The following GHR variants were observed in gnomAD, a reference collection of about 807,000 sequenced individuals.
The protein encoded by GHR is GH receptor.
In GHR, 35 loss-of-function variants were observed where a neutral mutation model predicts 67.1. The observed-to-expected ratio is 0.52, with a 90% CI of 0.40 to 0.69. GHR has a LOEUF of 0.69. Ranked by LOEUF, GHR falls within the 30% of genes least tolerant of loss-of-function variation. The probability of loss-of-function intolerance (pLI) is 0.00; values close to 1 mark genes in which losing one functional copy is unlikely to be tolerated. For synonymous variants in GHR, 272 were observed against 269.1 expected, an observed-to-expected ratio of 1.01 and a Z score of -0.10; for missense variants, 792 against 764.6, an observed-to-expected ratio of 1.04 and a Z score of -0.42.
chr5:42,570,280 G>C (rs943050834), intron 2 of GHR, among the ~76,000 whole-genome samples: 1 of 152,162 alleles, frequency 6.6e-6, no homozygotes, highest in Non-Finnish European at 1.5e-5. Flanking sequence ...ATAATCCAGA[G>C]GCAAGAAGAA....
chr5:42,437,328 A>C (rs1327324424), intron 1 of GHR, among the ~76,000 whole-genome samples: 1 of 152,178 alleles, frequency 6.6e-6, no homozygotes, highest in Non-Finnish European at 1.5e-5. Flanking sequence ...TTATAGAAGT[A>C]ATTACAGGCA....
intron 1 of GHR, among the ~76,000 whole-genome samples, chr5:42,508,563 A>G (rs748444108): frequency 1.9e-4 from 29 of 152,052 alleles, no homozygotes; most frequent in Non-Finnish European, 4.0e-4. Flanking sequence ...ATCTCCCAGC[A>G]GGAAGTTTGT....
At chr5:42,563,604 G>A (rs1292366086) in intron 1 of GHR, among the ~76,000 whole-genome samples, 2 of 123,818 alleles carry the variant, frequency 1.6e-5, no homozygotes, top group African/African-American at 3.2e-5. Context: ...CCGCCTGGGC[G>A]ACAGAGCGAG....
At chr5:42,470,162 A>G (rs1276475693) in intron 1 of GHR, among the ~76,000 whole-genome samples, 1 of 139,634 alleles carries the variant, frequency 7.2e-6, no homozygotes, top group Admixed American at 7.2e-5. Flanking sequence ...ATTATAATAT[A>G]TAAGATATAA....
In GHR at chr5:42,498,490, C is replaced by T. The variant is rs115370126; in HGVS notation, c.-11-67374C>T. On this transcript the variant is annotated intron_variant, in intron 1 of 9. Transcript: ENST00000230882. ...GGTAATATACTTTGGAAAACTGAGA[C>T]TCAGAGAAATTAAGTAAATTGCAAA... 8.1e-3 allele frequency among the ~76,000 whole-genome samples: 1,232 copies of T among 152,294 alleles called. 16 individuals are homozygous for T. Among genetic ancestry groups the T allele is most frequent in the African/African-American group, 0.028 (1,165 of 41,552 alleles).
intron 1 of GHR, among the ~76,000 whole-genome samples, chr5:42,428,049 CTG>C (rs1742930403): frequency 6.6e-6 from 1 of 152,208 alleles, no homozygotes; most frequent in Non-Finnish European, 1.5e-5. Context: ...ACTGGGGACT[CTG>C]TGTAGAGGAT....
chr5:42,584,397 C>T (rs1378744781), intron 2 of GHR, among the ~76,000 whole-genome samples: 1 of 152,108 alleles, frequency 6.6e-6, no homozygotes, highest in East Asian at 1.9e-4. Context: ...AAAGCCACAG[C>T]ACTGATGCAA....
intron 3 of GHR, among the ~76,000 whole-genome samples, chr5:42,643,374 C>G (rs1172297954): frequency 6.6e-6 from 1 of 152,168 alleles, no homozygotes; most frequent in Non-Finnish European, 1.5e-5. Flanking sequence ...GACCAGGGAA[C>G]TTCTTTTCAA....
chr5:42,713,965 G>A (rs1020619276), intron 8 of GHR: 1 of 158,240 alleles, frequency 6.3e-6, no homozygotes, highest in African/African-American at 2.4e-5. Context: ...CCAGGCTGGA[G>A]TGCAATGGCG....
intron 8 of GHR, among the ~76,000 whole-genome samples, chr5:42,715,458 A>T (rs1758676695): frequency 6.6e-6 from 1 of 152,194 alleles, no homozygotes; most frequent in Admixed American, 6.5e-5. Flanking sequence ...CCCTGCTTTA[A>T]TCCAGTTAAT....
intron 1 of GHR, among the ~76,000 whole-genome samples, chr5:42,452,032 G>T (rs546949270): frequency 7.2e-5 from 11 of 152,268 alleles, no homozygotes; most frequent in East Asian, 1.9e-4. Flanking sequence ...TTCTGTTTGG[G>T]TGTATTTCAA....
intron 1 of GHR, among the ~76,000 whole-genome samples, chr5:42,559,075 G>A (rs999560467): frequency 1.3e-5 from 2 of 151,860 alleles, no homozygotes; most frequent in Non-Finnish European, 2.9e-5. Context: ...TTAAAAAGTG[G>A]GTTCATATAT....
chr5:42,623,795 A>C (rs965041840), intron 2 of GHR, among the ~76,000 whole-genome samples: 15 of 152,258 alleles, frequency 9.9e-5, no homozygotes, highest in Middle Eastern at 6.8e-3. Context: ...ATTTGTTGGG[A>C]ATAGTTAATA....
chr5:42,529,105 G>A (rs770176384), intron 1 of GHR, among the ~76,000 whole-genome samples: 3 of 151,006 alleles, frequency 2.0e-5, no homozygotes, highest in South Asian at 2.1e-4. Context: ...TCTGCCTCCC[G>A]GGTTCACGCC....
chr5:42,701,338 T>A lies in GHR; in HGVS notation c.618+1336T>A, dbSNP rs540898807. Among the ~76,000 whole-genome samples the A allele has an allele frequency of 7.2e-5, 11 of 152,328 alleles. No homozygotes were observed. In the South Asian group the frequency reaches 2.3e-3, roughly 32 times the overall value. ...TTCTTGATGAAGCTGTAAAAATTGT[T>A]AATTTTACTAAACCTCGACCTTTGA... On this transcript the variant is annotated intron_variant, in intron 6 of 9. Transcript: ENST00000230882.
chr5:42,590,453 C>T (rs752819299), intron 2 of GHR, among the ~76,000 whole-genome samples: 6 of 152,052 alleles, frequency 3.9e-5, no homozygotes, highest in Non-Finnish European at 7.4e-5. Context: ...TGCTTATTGG[C>T]ATTTATTGTG....
intron 1 of GHR, among the ~76,000 whole-genome samples, chr5:42,445,003 G>T (rs1044941755): frequency 6.6e-6 from 1 of 152,160 alleles, no homozygotes; most frequent in Admixed American, 6.6e-5. Flanking sequence ...CCAGTATCTT[G>T]CAGGTGGGCA....
chr5:42,668,703 GTGCTTGTAGACCATA>G (rs1756120324), intron 3 of GHR, among the ~76,000 whole-genome samples: 1 of 152,136 alleles, frequency 6.6e-6, no homozygotes, highest in African/African-American at 2.4e-5. Flanking sequence ...TGGAGGCCAT[GTGCTTGTAGACCATA>G]TTTATCTTTG....
intron 1 of GHR, among the ~76,000 whole-genome samples, chr5:42,477,747 A>T (rs1269743623): frequency 6.6e-6 from 1 of 151,918 alleles, no homozygotes; most frequent in African/African-American, 2.4e-5. Context: ...TTTTTCTTGT[A>T]AATTTGTTTG....
Sources: gnomAD v4.1 joint callset for allele counts (sites outside exome capture counted in the v4.1 genomes callset) on GRCh38, gnomAD v4.1.1 for gene constraint, MANE v1.5 for transcripts, NCBI Gene and HGNC (gene_info 2026-07-23, HGNC 2026-07-21) for gene names.